MSRA: variants seen among roughly 807,000 people sequenced by gnomAD.
The protein encoded by MSRA is mitochondrial peptide methionine sulfoxide reductase.
A neutral mutation model predicts 31.3 loss-of-function variants in MSRA; 54 were observed. The observed-to-expected ratio is 1.73, with a 90% confidence interval of 1.39 to 2.17. The LOEUF is 2.17. Among genes scored for constraint, MSRA ranks in the 30% most tolerant of loss-of-function variants. The probability of loss-of-function intolerance (pLI) is 0.00; values close to 1 mark genes in which losing one functional copy is unlikely to be tolerated. For missense variants in MSRA, 507 were observed against 300.9 expected (o/e 1.69, Z -5.07); for synonymous variants, 169 against 116.5 (o/e 1.45, Z -2.90).
chr8:10,066,087 A>G (rs1797441861), intron 1 of MSRA, among the ~76,000 whole-genome samples: 1 of 152,036 alleles, frequency 6.6e-6, no homozygotes, highest in African/African-American at 2.4e-5. Flanking sequence ...CAGTGGCATG[A>G]TCTCGGCTCA....
chr8:10,421,557 G>A (rs929277110), intron 5 of MSRA, among the ~76,000 whole-genome samples: 1 of 152,042 alleles, frequency 6.6e-6, no homozygotes, highest in Non-Finnish European at 1.5e-5. Context: ...GGAGAATCTC[G>A]GTGATCCTAA....
At chr8:10,404,484 AGTT>A (rs1483788864) in intron 5 of MSRA, among the ~76,000 whole-genome samples, 1 of 152,200 alleles carries the variant, frequency 6.6e-6, no homozygotes, top group East Asian at 1.9e-4. Flanking sequence ...CAAAGTGAAC[AGTT>A]GGCATTCCTG....
intron 3 of MSRA, among the ~76,000 whole-genome samples, chr8:10,255,233 C>T (rs1023035837): frequency 6.6e-6 from 1 of 152,210 alleles, no homozygotes; most frequent in African/African-American, 2.4e-5. Context: ...ATCACTAGCC[C>T]ACTGCAAGGC....
At chr8:10,271,102 A>C (rs1195093351) in intron 3 of MSRA, among the ~76,000 whole-genome samples, 1 of 151,960 alleles carries the variant, frequency 6.6e-6, no homozygotes. Context: ...AAGAAAAATA[A>C]AAGTTTTTAT....
chr8:10,135,003 C>T (rs1027288522), intron 1 of MSRA, among the ~76,000 whole-genome samples: 5 of 152,190 alleles, frequency 3.3e-5, no homozygotes, highest in Admixed American at 2.6e-4. Flanking sequence ...CTCTCAATCA[C>T]ATTAACATTT....
At chr8:10,291,446 G>A (rs745611769) in intron 3 of MSRA, among the ~76,000 whole-genome samples, 8 of 151,710 alleles carry the variant, frequency 5.3e-5, no homozygotes, top group Non-Finnish European at 1.2e-4. Flanking sequence ...TAAAATGACA[G>A]TATAGACACT....
chr8:10,162,031 T>A (rs1487443783), intron 1 of MSRA, among the ~76,000 whole-genome samples: 3 of 152,140 alleles, frequency 2.0e-5, no homozygotes, highest in African/African-American at 7.2e-5. Context: ...CTCGCTTCCC[T>A]CATGTCCTAG....
chr8:10,250,626 A>C (rs1000847680), intron 3 of MSRA: 7 of 614,774 alleles, frequency 1.1e-5, no homozygotes, highest in Middle Eastern at 2.6e-4. Flanking sequence ...GCTGTTCAGC[A>C]GAGGTTTCGA....
At chr8:10,069,444 A>C (rs1418248847) in intron 1 of MSRA, among the ~76,000 whole-genome samples, 1 of 152,252 alleles carries the variant, frequency 6.6e-6, no homozygotes, top group Non-Finnish European at 1.5e-5. Flanking sequence ...ATAACAGAAT[A>C]CCACAGAACT....
intron 5 of MSRA, among the ~76,000 whole-genome samples, chr8:10,333,723 G>A (rs1221934819): frequency 2.0e-5 from 3 of 150,452 alleles, no homozygotes; most frequent in African/African-American, 7.4e-5. Flanking sequence ...TCTCAGAGCC[G>A]GCCCCCCTCC....
chr8:10,325,532 T>C (rs1024548851), intron 5 of MSRA, among the ~76,000 whole-genome samples: 1 of 152,220 alleles, frequency 6.6e-6, no homozygotes, highest in African/African-American at 2.4e-5. Flanking sequence ...TAAAGTTAAA[T>C]GCATTCATGT....
chr8:10,291,880 A>T (rs112918953), intron 3 of MSRA, among the ~76,000 whole-genome samples: 1 of 152,176 alleles, frequency 6.6e-6, no homozygotes, highest in Non-Finnish European at 1.5e-5. Flanking sequence ...TTTAAAGATC[A>T]GTTTCTTACC....
chr8:10,192,207 G>C (rs1014692511), intron 1 of MSRA, among the ~76,000 whole-genome samples: 31 of 152,242 alleles, frequency 2.0e-4, no homozygotes, highest in Admixed American at 3.9e-4. Context: ...GTTGTGTTCT[G>C]TTTAGTAGCA....
chr8:10,190,329 C>T lies in MSRA; in HGVS notation c.143-17504C>T, dbSNP rs138980818. Among the ~76,000 whole-genome samples the T allele has an allele frequency of 6.9e-3, 1,045 of 152,294 alleles. 17 individuals carry two copies. The highest frequency in any genetic ancestry group is 0.023 in the African/African-American group (973 of 41,558). On this transcript the variant is annotated intron_variant, in intron 1 of 5. Coordinates refer to ENST00000317173, the MANE Select transcript of MSRA (RefSeq NM_012331.5). ...CCACAGGGCACCAGAGCCCCTGGGC[C>T]GCCCCTGCCTGTGCCGCTTCTGTCC...
intron 3 of MSRA, among the ~76,000 whole-genome samples, chr8:10,272,741 G>C (rs1168106520): frequency 6.6e-6 from 1 of 152,114 alleles, no homozygotes. Context: ...AGATTTATGT[G>C]TTTATTTTTT....
chr8:10,334,691 G>A (rs941762663), intron 5 of MSRA, among the ~76,000 whole-genome samples: 1 of 152,212 alleles, frequency 6.6e-6, no homozygotes, highest in Non-Finnish European at 1.5e-5. Flanking sequence ...CAGAGAGCCG[G>A]GAGCACCTCA....
intron 1 of MSRA, among the ~76,000 whole-genome samples, chr8:10,194,474 G>A (rs1360250311): frequency 6.6e-6 from 1 of 152,166 alleles, no homozygotes; most frequent in African/African-American, 2.4e-5. Context: ...GCTGAGGCAG[G>A]AAAATGGCTT....
At chr8:10,230,620 A>G (rs887598187) in intron 2 of MSRA, among the ~76,000 whole-genome samples, 1 of 152,250 alleles carries the variant, frequency 6.6e-6, no homozygotes, top group Non-Finnish European at 1.5e-5. Context: ...CTGTATAAAC[A>G]TTTTTGAAAA....
intron 5 of MSRA, among the ~76,000 whole-genome samples, chr8:10,324,979 G>A (rs888402115): frequency 3.3e-5 from 5 of 152,202 alleles, no homozygotes; most frequent in African/African-American, 1.2e-4. Flanking sequence ...GGCGTTGAGT[G>A]TAAGATTGGG....
Sources: allele counts gnomAD v4.1 joint callset (sites outside exome capture counted in the v4.1 genomes callset), GRCh38; gene constraint gnomAD v4.1.1; transcripts MANE v1.5; gene names NCBI Gene and HGNC (gene_info 2026-07-23, HGNC 2026-07-21).